Variants in PPP3CA observed in about 807,000 individuals in gnomAD.
The protein encoded by PPP3CA is protein phosphatase 3 catalytic subunit alpha, also known as CAM-PRP catalytic subunit.
PPP3CA carries 14 observed loss-of-function variants against 66.5 expected under a neutral mutation model. The observed-to-expected ratio is 0.21, with a 90% CI of 0.14 to 0.33. The LOEUF (loss-of-function observed/expected upper bound fraction) is 0.33. Ranked by LOEUF, PPP3CA falls within the 10% of genes least tolerant of loss-of-function variation. PPP3CA has a pLI of 1.00. For missense variants in PPP3CA, 317 were observed against 639.5 expected (o/e 0.50, Z 5.44); for synonymous variants, 232 against 226.2 (o/e 1.03, Z -0.23).
intron 1 of PPP3CA, among the ~76,000 whole-genome samples, chr4:101,309,042 A>T (rs923432666): frequency 1.3e-5 from 2 of 152,040 alleles, no homozygotes; most frequent in African/African-American, 4.8e-5. Flanking sequence ...CAGAAGAATC[A>T]CTTAAGCCTA....
At chr4:101,298,580 T>G (rs1179242848) in intron 1 of PPP3CA, among the ~76,000 whole-genome samples, 2 of 152,134 alleles carry the variant, frequency 1.3e-5, no homozygotes, top group African/African-American at 4.8e-5. Context: ...CCACTTCCAC[T>G]TAATGCATAG....
chr4:101,080,498 T>C, intron 8 of PPP3CA, 34 bp downstream of exon 8: 1 of 1,155,794 alleles, frequency 8.7e-7, no homozygotes, highest in Non-Finnish European at 1.2e-6. Context: ...ACACATATTA[T>C]GTAAGACTGC....
chr4:101,310,412 A>C (rs1028671127), intron 1 of PPP3CA, among the ~76,000 whole-genome samples: 3 of 152,158 alleles, frequency 2.0e-5, no homozygotes, highest in African/African-American at 7.2e-5. Flanking sequence ...TTTTAAAAGA[A>C]AAAAGGCCTA....
intron 11 of PPP3CA, among the ~76,000 whole-genome samples, chr4:101,038,256 ACTC>A (rs752077674): frequency 2.6e-5 from 4 of 151,730 alleles, no homozygotes; most frequent in Non-Finnish European, 5.9e-5. Context: ...CCTTCACAGC[ACTC>A]CTCCAATTTT....
Position 101,124,727 on chromosome 4 carries a change from GAAAGAAAGAAAGAA to G in PPP3CA, c.260-15663_260-15650del, listed in dbSNP as rs1722168982. 2.4e-4 allele frequency among the ~76,000 whole-genome samples: 12 copies of G among 49,930 alleles called. No homozygotes were observed. The South Asian group carries it at 3.7e-3, about 15-fold the overall frequency. The allele number at this position is 49,930 out of a possible 152,430, so 32.8% of individuals were successfully genotyped here. A position where few individuals can be genotyped will look rare whatever the true frequency, so the allele number is the denominator to read the frequency against. On this transcript the variant is annotated intron_variant, in intron 2 of 13. Coordinates refer to ENST00000394854, the MANE Select transcript of PPP3CA (RefSeq NM_000944.5). Reference sequence around the variant, plus strand: ...AAAGAAAGAAAGAAAGAAAGAAAGAGAAAGAAAGAAAGAAAGAAAGAAAGAAAGAAAGAAAGAAA... The same window carrying G: ...AAAGAAAGAAAGAAAGAAAGAAAGAGAGAAAGAAAGAAAGAAAGAAAGAAA...
At chr4:101,169,709 A>C (rs1315797010) in intron 2 of PPP3CA, among the ~76,000 whole-genome samples, 1 of 148,794 alleles carries the variant, frequency 6.7e-6, no homozygotes, top group Non-Finnish European at 1.5e-5. Flanking sequence ...AGAGCATGCA[A>C]ATGTTATATA....
At chr4:101,211,158 A>G (rs1725286338) in intron 1 of PPP3CA, among the ~76,000 whole-genome samples, 1 of 152,128 alleles carries the variant, frequency 6.6e-6, no homozygotes, top group Non-Finnish European at 1.5e-5. Context: ...ACAGCAAATA[A>G]GCAGGGGAAG....
At chr4:101,122,666 T>C (rs929971595) in intron 2 of PPP3CA, among the ~76,000 whole-genome samples, 3 of 152,038 alleles carry the variant, frequency 2.0e-5, no homozygotes, top group Non-Finnish European at 4.4e-5. Flanking sequence ...AATAAGTGGA[T>C]TGCAAAAAAC....
Position 101,032,325 on chromosome 4 carries a change from G to A in PPP3CA, c.1281C>T (p.Thr427=), listed in dbSNP as rs1434858090. 1 of 1,612,668 alleles carries A rather than the reference G, an allele frequency of 6.2e-7. No homozygotes were observed. The highest frequency in any genetic ancestry group is 8.5e-7 in the Non-Finnish European group (1 of 1,179,282). Residue 427 remains threonine (T), a synonymous_variant, in exon 12 of 14, where the codon ACC becomes ACT. Coordinates refer to ENST00000394854, the MANE Select transcript of PPP3CA (RefSeq NM_000944.5). ...SESVLTLKGL[T]PTGMLPSGVL... is the part of the protein sequence containing the mutation. ...CTCCGCTGGGGAGCATGCCAGTTGG[G>A]GTCAAGCCTTTCAGCGTCAGCACAC...
intron 2 of PPP3CA, among the ~76,000 whole-genome samples, chr4:101,151,577 T>C (rs1256678490): frequency 6.9e-6 from 1 of 145,870 alleles, no homozygotes; most frequent in East Asian, 2.0e-4. Flanking sequence ...AAAAAAGAAA[T>C]GTTTACTCTC....
chr4:101,130,164 A>G lies in PPP3CA; in HGVS notation c.260-21086T>C, dbSNP rs151080358. Among the ~76,000 whole-genome samples the G allele has an allele frequency of 5.3e-3, 805 of 152,180 alleles. 8 individuals are homozygous for G. The highest frequency in any genetic ancestry group is 0.018 in the African/African-American group (757 of 41,544). The stretch of plus-strand genomic sequence containing the variant: ...GAAAGGATATCAGAGATAGAAGATC[A>G]CCTTAATGAAACAGAGCATGAAGAC... On this transcript the variant is annotated intron_variant, in intron 2 of 13. Transcript: ENST00000394854.
chr4:101,202,240 T>C (rs1724988284), intron 1 of PPP3CA, among the ~76,000 whole-genome samples: 1 of 152,148 alleles, frequency 6.6e-6, no homozygotes, highest in African/African-American at 2.4e-5. Flanking sequence ...GATGAAGTTG[T>C]TTTTAACTTA....
chr4:101,155,803 A>T (rs1723299284), intron 2 of PPP3CA, among the ~76,000 whole-genome samples: 1 of 152,232 alleles, frequency 6.6e-6, no homozygotes. Context: ...TTTATTCTCA[A>T]AGCAGGAAAT....
chr4:101,113,710 T>C (rs915623331), intron 2 of PPP3CA, among the ~76,000 whole-genome samples: 8 of 152,112 alleles, frequency 5.3e-5, no homozygotes, highest in African/African-American at 1.9e-4. Flanking sequence ...ATCCAGGAGA[T>C]ACCCAAAAGG....
chr4:101,043,798 C>T (rs1467076768), intron 10 of PPP3CA, among the ~76,000 whole-genome samples: 1 of 152,032 alleles, frequency 6.6e-6, no homozygotes, highest in Non-Finnish European at 1.5e-5. Flanking sequence ...TCGGTTGAAC[C>T]TGGGAGGCAG....
chr4:101,264,745 T>C (rs1230462517), intron 1 of PPP3CA, among the ~76,000 whole-genome samples: 2 of 152,134 alleles, frequency 1.3e-5, no homozygotes, highest in Non-Finnish European at 2.9e-5. Flanking sequence ...CATTTAATCA[T>C]TCAAGAAAAG....
At chr4:101,180,271 T>C (rs531248676) in intron 2 of PPP3CA, among the ~76,000 whole-genome samples, 1 of 152,264 alleles carries the variant, frequency 6.6e-6, no homozygotes, top group South Asian at 2.1e-4. Flanking sequence ...GAAGGATAAA[T>C]TGTAGTATCA....
intron 1 of PPP3CA, among the ~76,000 whole-genome samples, chr4:101,219,774 G>A (rs1293358467): frequency 6.6e-6 from 1 of 151,642 alleles, no homozygotes; most frequent in African/African-American, 2.4e-5. Context: ...ATGTAACAAT[G>A]CAGACTGATT....
intron 1 of PPP3CA, among the ~76,000 whole-genome samples, chr4:101,278,021 A>G (rs1223401293): frequency 6.6e-6 from 1 of 151,778 alleles, no homozygotes. Flanking sequence ...AGTTCACAAC[A>G]TTGAATCTAG....
Sources: gnomAD v4.1 joint callset for allele counts (sites outside exome capture counted in the v4.1 genomes callset) on GRCh38, gnomAD v4.1.1 for gene constraint, MANE v1.5 for transcripts, NCBI Gene and HGNC (gene_info 2026-07-23, HGNC 2026-07-21) for gene names.